Variants in GPC5 observed in about 807,000 individuals in gnomAD.
GPC5 encodes glypican 5, also known as glypican-5.
GPC5 carries 47 observed loss-of-function variants against 53.9 expected under a neutral mutation model. The ratio of observed to expected loss-of-function variants is 0.87; its 90% CI spans 0.69 to 1.11. GPC5 has a LOEUF of 1.11. GPC5 is among the 50% of genes most tolerant of loss of function. GPC5 has a pLI of 0.00. For missense variants in GPC5, 748 were observed against 713.1 expected (o/e 1.05, Z -0.56); for synonymous variants, 286 against 263.3 (o/e 1.09, Z -0.84).
intron 7 of GPC5, among the ~76,000 whole-genome samples, chr13:92,855,398 A>G (rs1878963654): frequency 6.6e-6 from 1 of 152,054 alleles, no homozygotes; most frequent in Non-Finnish European, 1.5e-5. Flanking sequence ...TCTTCCTAAT[A>G]CAAACATGTT....
intron 2 of GPC5, among the ~76,000 whole-genome samples, chr13:91,596,071 G>A (rs77378551): frequency 0.073 from 11,167 of 152,112 alleles, 657 homozygotes; most frequent in South Asian, 0.25. Context: ...CTATACCTTC[G>A]TGATAAATTG....
chr13:92,347,882 T>TATTATATATATAATATATATATAATA (rs1491589093), intron 7 of GPC5, among the ~76,000 whole-genome samples: 1 of 2,336 alleles, frequency 4.3e-4, no homozygotes, highest in Non-Finnish European at 6.4e-4. Context: ...ATAATATATA[T>TATTATATATATAATATATATATAATA]TATATATATT....
chr13:92,376,822 C>T (rs577284306), intron 7 of GPC5, among the ~76,000 whole-genome samples: 1 of 152,090 alleles, frequency 6.6e-6, no homozygotes, highest in East Asian at 1.9e-4. Flanking sequence ...TGAGACAAGC[C>T]TGGCCAGCAT....
At chr13:92,330,014 A>T (rs1017478553) in intron 7 of GPC5, among the ~76,000 whole-genome samples, 48 of 146,164 alleles carry the variant, frequency 3.3e-4, no homozygotes, top group Non-Finnish European at 6.5e-4. Flanking sequence ...CTTTTTTTTT[A>T]AATGCATATT....
chr13:91,732,012 A>G (rs879551533), intron 4 of GPC5, among the ~76,000 whole-genome samples: 28 of 152,322 alleles, frequency 1.8e-4, no homozygotes, highest in Admixed American at 1.8e-3. Context: ...ATGTGTCTTT[A>G]AAGTAGAATG....
At chr13:92,053,323 T>A (rs1358132030) in intron 6 of GPC5, among the ~76,000 whole-genome samples, 1 of 152,198 alleles carries the variant, frequency 6.6e-6, no homozygotes, top group Non-Finnish European at 1.5e-5. Flanking sequence ...ACGTCAAAGT[T>A]GACCTCTCTC....
chr13:91,574,500 G>C (rs776857528), intron 2 of GPC5, among the ~76,000 whole-genome samples: 1 of 151,974 alleles, frequency 6.6e-6, no homozygotes, highest in South Asian at 2.1e-4. Flanking sequence ...ATAAGGGACC[G>C]ACAGAACAAG....
intron 7 of GPC5, among the ~76,000 whole-genome samples, chr13:92,152,726 GA>G (rs1425109177): frequency 1.5e-5 from 2 of 134,758 alleles, no homozygotes; most frequent in Admixed American, 7.8e-5. Flanking sequence ...GCGACAGAGT[GA>G]GACTCCATCT....
intron 7 of GPC5, among the ~76,000 whole-genome samples, chr13:92,590,634 C>T (rs925416591): frequency 1.3e-5 from 2 of 152,130 alleles, no homozygotes; most frequent in East Asian, 3.9e-4. Flanking sequence ...TATCTGGAAC[C>T]GAGGACTCCT....
Position 92,050,329 on chromosome 13 carries a change from T to TA in GPC5, c.1402-94494dup, listed in dbSNP as rs947140982. On this transcript the variant is annotated intron_variant, in intron 6 of 7. Transcript: ENST00000377067. ...GCCTAGCTCTTCTCTATATTTTTTT[T>TA]AAAAAAAGCAATAAGGAATAGCATA... Among the ~76,000 whole-genome samples, 6 of 152,112 alleles carry TA rather than the reference T, an allele frequency of 3.9e-5. No individual in the cohort carries two copies. The East Asian group carries it at 7.7e-4, about 20-fold the overall frequency.
At chr13:92,003,027 C>T (rs2040569808) in intron 6 of GPC5, among the ~76,000 whole-genome samples, 1 of 152,024 alleles carries the variant, frequency 6.6e-6, no homozygotes, top group Admixed American at 6.5e-5. Flanking sequence ...ATTACTCCAC[C>T]TGGCCAGGCA....
At chr13:92,095,898 T>C (rs534169619) in intron 6 of GPC5, among the ~76,000 whole-genome samples, 49 of 152,346 alleles carry the variant, frequency 3.2e-4, no homozygotes, top group Admixed American at 1.0e-3. Flanking sequence ...ATATATGTTA[T>C]TATTTTATTC....
At chr13:91,584,712 C>T (rs556236293) in intron 2 of GPC5, among the ~76,000 whole-genome samples, 52 of 151,992 alleles carry the variant, frequency 3.4e-4, no homozygotes, top group African/African-American at 1.2e-3. Flanking sequence ...CCTGCCTCAG[C>T]GGGATTACAG....
intron 2 of GPC5, among the ~76,000 whole-genome samples, chr13:91,588,525 A>G (rs2032680721): frequency 6.6e-6 from 1 of 152,122 alleles, no homozygotes; most frequent in South Asian, 2.1e-4. Flanking sequence ...TTCCCCCTCT[A>G]CAGGTGATGT....
chr13:91,795,537 A>C (rs1182361409), intron 5 of GPC5, among the ~76,000 whole-genome samples: 1 of 152,038 alleles, frequency 6.6e-6, no homozygotes, highest in African/African-American at 2.4e-5. Context: ...AAAACACTTA[A>C]CTCCTTAGAT....
intron 7 of GPC5, among the ~76,000 whole-genome samples, chr13:92,306,201 A>AT (rs945913416): frequency 2.6e-5 from 4 of 152,082 alleles, no homozygotes; most frequent in South Asian, 4.1e-4. Flanking sequence ...GTGGAAGTCC[A>AT]TTTTTTTTAA....
intron 2 of GPC5, among the ~76,000 whole-genome samples, chr13:91,529,052 G>A (rs2138650405): frequency 6.6e-6 from 1 of 152,262 alleles, no homozygotes; most frequent in African/African-American, 2.4e-5. Flanking sequence ...TTGAGAATAA[G>A]GAAAAGCTGA....
chr13:92,797,342 AC>A lies in GPC5; in HGVS notation c.1562-68938del, dbSNP rs1876722522. 1.1e-4 allele frequency among the ~76,000 whole-genome samples: 16 copies of A among 152,016 alleles called. No individual in the cohort carries two copies. In the South Asian group the frequency reaches 3.3e-3, roughly 31 times the overall value. ...ATATGAATTTATTCTCTGTTACTGT[AC>A]CTTTGACTCCATCCCCATTAACCTG... On this transcript the variant is annotated intron_variant, in intron 7 of 7. Transcript: ENST00000377067.
chr13:92,095,712 T>G (rs893365931), intron 6 of GPC5, among the ~76,000 whole-genome samples: 3 of 152,074 alleles, frequency 2.0e-5, no homozygotes, highest in Non-Finnish European at 4.4e-5. Flanking sequence ...TTTTGGCATT[T>G]TTAGTAGAGA....
Sources: gnomAD v4.1 joint callset for allele counts (sites outside exome capture counted in the v4.1 genomes callset) on GRCh38, gnomAD v4.1.1 for gene constraint, MANE v1.5 for transcripts, NCBI Gene and HGNC (gene_info 2026-07-23, HGNC 2026-07-21) for gene names.